GPC5: variants seen among roughly 807,000 people sequenced by gnomAD.
The protein encoded by GPC5 is glypican 5.
A neutral mutation model predicts 53.9 loss-of-function variants in GPC5; 47 were observed. The ratio of observed to expected loss-of-function variants is 0.87; its 90% CI spans 0.69 to 1.11. The LOEUF (loss-of-function observed/expected upper bound fraction) is 1.11, where lower values mean the gene tolerates loss of function less well. GPC5 is among the 50% of genes most tolerant of loss of function. The pLI, the probability that GPC5 is intolerant of heterozygous loss-of-function variation, is 0.00. For missense variants in GPC5, 748 were observed against 713.1 expected (o/e 1.05, Z -0.56); for synonymous variants, 286 against 263.3 (o/e 1.09, Z -0.84).
intron 5 of GPC5, among the ~76,000 whole-genome samples, chr13:91,848,330 T>C (rs1227035105): frequency 1.3e-5 from 2 of 152,208 alleles, no homozygotes; most frequent in African/African-American, 4.8e-5. Context: ...AAGTAATATT[T>C]ATTGGATGTT....
At chr13:92,577,109 G>T (rs923382261) in intron 7 of GPC5, among the ~76,000 whole-genome samples, 1 of 152,066 alleles carries the variant, frequency 6.6e-6, no homozygotes, top group African/African-American at 2.4e-5. Context: ...CCTACCTTTA[G>T]TCATAAGTCA....
intron 5 of GPC5, among the ~76,000 whole-genome samples, chr13:91,898,785 T>C (rs2039468797): frequency 6.6e-6 from 1 of 152,140 alleles, no homozygotes; most frequent in Non-Finnish European, 1.5e-5. Flanking sequence ...TTCTGTGACC[T>C]GTTACGGCCC....
chr13:91,976,879 A>G (rs1040338030), intron 6 of GPC5, among the ~76,000 whole-genome samples: 2 of 152,014 alleles, frequency 1.3e-5, no homozygotes, highest in African/African-American at 4.8e-5. Context: ...GTCTCTACTA[A>G]AAACACAAAA....
chr13:92,433,948 T>C (rs1268633609), intron 7 of GPC5, among the ~76,000 whole-genome samples: 1 of 152,106 alleles, frequency 6.6e-6, no homozygotes, highest in African/African-American at 2.4e-5. Context: ...GGATGAAACA[T>C]GTAACTTGGA....
chr13:92,322,951 G>C (rs1178465294), intron 7 of GPC5, among the ~76,000 whole-genome samples: 1 of 151,992 alleles, frequency 6.6e-6, no homozygotes, highest in Non-Finnish European at 1.5e-5. Context: ...GTCAGGGAAA[G>C]AGAAGGAGGA....
intron 4 of GPC5, among the ~76,000 whole-genome samples, chr13:91,755,419 A>G (rs896417923): frequency 7.9e-5 from 12 of 152,102 alleles, no homozygotes; most frequent in African/African-American, 2.2e-4. Flanking sequence ...TCCTATGATC[A>G]GCCTAGGGCT....
At chr13:92,609,545 G>A (rs1266626705) in intron 7 of GPC5, among the ~76,000 whole-genome samples, 3 of 151,980 alleles carry the variant, frequency 2.0e-5, no homozygotes, top group African/African-American at 4.8e-5. Flanking sequence ...TTGTGATGAG[G>A]CCAGTTAACG....
chr13:92,084,184 C>T (rs139742134), intron 6 of GPC5, among the ~76,000 whole-genome samples: 30 of 152,194 alleles, frequency 2.0e-4, no homozygotes, highest in Non-Finnish European at 3.2e-4. Flanking sequence ...GCCTTGACAC[C>T]GAGGTGACAG....
chr13:92,293,166 A>G (rs921624168), intron 7 of GPC5, among the ~76,000 whole-genome samples: 22 of 151,784 alleles, frequency 1.4e-4, no homozygotes, highest in Non-Finnish European at 3.2e-4. Flanking sequence ...CTTCAGTTCC[A>G]TATGAATTTT....
intron 7 of GPC5, among the ~76,000 whole-genome samples, chr13:92,221,807 C>T (rs2042451106): frequency 6.6e-6 from 1 of 152,008 alleles, no homozygotes; most frequent in Non-Finnish European, 1.5e-5. Flanking sequence ...TGCATTTTTT[C>T]GTACGACTCA....
intron 5 of GPC5, among the ~76,000 whole-genome samples, chr13:91,878,443 C>A (rs984981485): frequency 6.6e-6 from 1 of 152,256 alleles, no homozygotes; most frequent in Non-Finnish European, 1.5e-5. Flanking sequence ...CTAGTACACG[C>A]AGCTACACGG....
At chr13:92,527,637 G>T (rs778377015) in intron 7 of GPC5, among the ~76,000 whole-genome samples, 1 of 152,114 alleles carries the variant, frequency 6.6e-6, no homozygotes, top group African/African-American at 2.4e-5. Flanking sequence ...ATTAAATTTT[G>T]CTGTGAAGAA....
intron 5 of GPC5, among the ~76,000 whole-genome samples, chr13:91,803,843 A>T (rs1179702967): frequency 6.6e-6 from 1 of 151,296 alleles, no homozygotes; most frequent in Non-Finnish European, 1.5e-5. Context: ...AGGTGATGAG[A>T]AAGAGAAATG....
chr13:92,455,211 A>C (rs1328037371), intron 7 of GPC5, among the ~76,000 whole-genome samples: 2 of 152,214 alleles, frequency 1.3e-5, no homozygotes, highest in Non-Finnish European at 1.5e-5. Flanking sequence ...AAACTTCATT[A>C]GTTTCACAGA....
chr13:92,563,826 G>A (rs1367800838), intron 7 of GPC5, among the ~76,000 whole-genome samples: 1 of 151,974 alleles, frequency 6.6e-6, no homozygotes, highest in African/African-American at 2.4e-5. Flanking sequence ...TTAATCTGGT[G>A]TTATTACAGT....
At chr13:92,391,613 T>G (rs1875006782) in intron 7 of GPC5, among the ~76,000 whole-genome samples, 1 of 152,214 alleles carries the variant, frequency 6.6e-6, no homozygotes, top group South Asian at 2.1e-4. Context: ...ATTTATTTGC[T>G]ACTAGCATGA....
intron 2 of GPC5, among the ~76,000 whole-genome samples, chr13:91,495,869 G>A (rs1052693330): frequency 2.6e-5 from 4 of 151,328 alleles, no homozygotes; most frequent in Non-Finnish European, 4.4e-5. Flanking sequence ...CTAAAAATAC[G>A]AAAATTAGCT....
intron 7 of GPC5, among the ~76,000 whole-genome samples, chr13:92,424,778 C>T (rs1876750190): frequency 6.6e-6 from 1 of 151,930 alleles, no homozygotes; most frequent in South Asian, 2.1e-4. Flanking sequence ...GCTTCACTGT[C>T]ATTTCTATAG....
intron 7 of GPC5, among the ~76,000 whole-genome samples, chr13:92,481,257 T>C (rs1369352679): frequency 6.6e-6 from 1 of 151,924 alleles, no homozygotes; most frequent in Non-Finnish European, 1.5e-5. Context: ...CCCACCACCA[T>C]GCCCAGCTAA....
Sources: allele counts gnomAD v4.1 joint callset (sites outside exome capture counted in the v4.1 genomes callset), GRCh38; gene constraint gnomAD v4.1.1; transcripts MANE v1.5; gene names NCBI Gene and HGNC (gene_info 2026-07-23, HGNC 2026-07-21).